The following PPP2CB variants were observed in gnomAD, a reference collection of about 807,000 sequenced individuals.
PPP2CB encodes the protein serine/threonine-protein phosphatase 2A catalytic subunit beta isoform.
PPP2CB carries 18 observed loss-of-function variants against 39.1 expected under a neutral mutation model. The observed-to-expected ratio is 0.46, with a 90% CI of 0.32 to 0.68. The LOEUF is 0.68. Ranked by LOEUF, PPP2CB falls within the 30% of genes least tolerant of loss-of-function variation. PPP2CB has a pLI of 0.04. For synonymous variants in PPP2CB, 129 were observed against 133.8 expected, an observed-to-expected ratio of 0.96 and a Z score of 0.25; for missense variants, 226 against 396.9, an observed-to-expected ratio of 0.57 and a Z score of 3.66.
rs573511696 is a variant in PPP2CB, at chr8:30,799,405, T to C, written c.312+141A>G. On this transcript the variant is annotated intron_variant, in intron 2 of 6. Coordinates refer to ENST00000221138, the MANE Select transcript of PPP2CB (RefSeq NM_001009552.2). The stretch of plus-strand genomic sequence containing the variant: ...CAGAAGTTATCCTTTTCACCTCTCC[T>C]TTAAAAAGATGTAAAACCAATTATT... 9.0e-6 allele frequency: 6 copies of C among 664,904 alleles called. No homozygotes were observed. In the African/African-American group the frequency reaches 9.1e-5, roughly 10 times the overall value. 41.2% of individuals were successfully genotyped at this position (664,904 alleles called of 1,614,324 possible).
At chr8:30,801,224 C>G (rs950905163) in intron 1 of PPP2CB, among the ~76,000 whole-genome samples, 1 of 150,286 alleles carries the variant, frequency 6.7e-6, no homozygotes, top group Non-Finnish European at 1.5e-5. Flanking sequence ...AAAAAGGCAA[C>G]AACACAGCAC....
chr8:30,795,474 ATAT>A (rs1255307445), intron 3 of PPP2CB, among the ~76,000 whole-genome samples: 2 of 152,046 alleles, frequency 1.3e-5, no homozygotes, highest in Non-Finnish European at 2.9e-5. Context: ...TATCCACTTA[ATAT>A]TATTATTTTA....
intron 1 of PPP2CB, among the ~76,000 whole-genome samples, chr8:30,808,238 A>G (rs1368437892): frequency 2.0e-5 from 3 of 152,100 alleles, no homozygotes; most frequent in Non-Finnish European, 4.4e-5. Context: ...AGCTGGGACT[A>G]CAGGCACACA....
chr8:30,800,271 G>C (rs1309624676), intron 1 of PPP2CB, among the ~76,000 whole-genome samples: 1 of 152,212 alleles, frequency 6.6e-6, no homozygotes, highest in Admixed American at 6.5e-5. Context: ...TATGGTAAGT[G>C]CAAGAAGTCA....
intron 3 of PPP2CB, among the ~76,000 whole-genome samples, chr8:30,795,119 A>ATTTT (rs893547625): frequency 3.1e-5 from 4 of 127,472 alleles, no homozygotes; most frequent in Non-Finnish European, 5.0e-5. Context: ...TCTGATTTTG[A>ATTTT]TTTTTTTTTT....
chr8:30,786,126 A>C lies in PPP2CB; in HGVS notation c.*109T>G, dbSNP rs533976884. On this transcript the variant is annotated 3_prime_UTR_variant, in exon 7 of 7. Coordinates refer to ENST00000221138, the MANE Select transcript of PPP2CB (RefSeq NM_001009552.2). ...GTGGTTTAATGCCAAGACAGATCCC[A>C]ATTTGTTACAGAAACACATAGATTA... 3.2e-5 allele frequency: 32 copies of C among 990,376 alleles called. No individual in the cohort carries two copies. In the African/African-American group the frequency reaches 5.3e-4, roughly 16 times the overall value. The allele number at this position is 990,376 out of a possible 1,614,324, so 61.3% of individuals were successfully genotyped here.
intron 3 of PPP2CB, among the ~76,000 whole-genome samples, chr8:30,797,370 A>G (rs1368270433): frequency 2.0e-5 from 3 of 152,194 alleles, no homozygotes; most frequent in East Asian, 3.8e-4. Context: ...ATTTACATAC[A>G]TATCTGAGAA....
intron 1 of PPP2CB, among the ~76,000 whole-genome samples, chr8:30,810,711 A>G (rs1039937368): frequency 4.6e-5 from 7 of 152,246 alleles, no homozygotes; most frequent in African/African-American, 1.2e-4. Flanking sequence ...TTTCAGAAAG[A>G]GAAAAATACC....
Position 30,812,341 on chromosome 8 carries a change from T to G in PPP2CB, c.81A>C (p.Gln27His). 6.5e-7 allele frequency: 1 copy of G among 1,547,394 alleles called. No individual in the cohort carries two copies. The highest frequency in any genetic ancestry group is 8.7e-7 in the Non-Finnish European group (1 of 1,143,408). Residue 27 changes from glutamine to histidine, a missense_variant, in exon 1 of 7, where the codon CAA becomes CAC. Physicochemically the swap from Gln to His is conservative, Grantham distance 24 (BLOSUM62 0). Transcript: ENST00000221138. ...LNECKQLNEN[Q>H]VRTLCEKAKE... ...TCACCTTCTCGCACAGCGTCCGCAC[T>G]TGGTTCTCGTTCAGCTGCTTACACT...
At chr8:30,806,515 C>CA (rs1194987650) in intron 1 of PPP2CB, among the ~76,000 whole-genome samples, 17 of 152,158 alleles carry the variant, frequency 1.1e-4, no homozygotes, top group Middle Eastern at 3.4e-3. Flanking sequence ...GAAATCAGTT[C>CA]AAAACAATAA....
At chr8:30,804,877 C>T (rs949974603) in intron 1 of PPP2CB, among the ~76,000 whole-genome samples, 1 of 151,890 alleles carries the variant, frequency 6.6e-6, no homozygotes, top group Non-Finnish European at 1.5e-5. Context: ...GGAAGGTTTT[C>T]TATGACCACC....
At chr8:30,803,848 G>A (rs1452943649) in intron 1 of PPP2CB, among the ~76,000 whole-genome samples, 1 of 148,906 alleles carries the variant, frequency 6.7e-6, no homozygotes, top group African/African-American at 2.5e-5. Flanking sequence ...ACGGAGTCCT[G>A]CTCTGTCGTC....
chr8:30,806,722 T>A (rs1806731851), intron 1 of PPP2CB, among the ~76,000 whole-genome samples: 1 of 152,166 alleles, frequency 6.6e-6, no homozygotes, highest in African/African-American at 2.4e-5. Context: ...TTTATAACAT[T>A]CGTACTGAAG....
At chr8:30,790,323 C>T (rs1806410243) in intron 6 of PPP2CB, among the ~76,000 whole-genome samples, 1 of 152,204 alleles carries the variant, frequency 6.6e-6, no homozygotes, top group African/African-American at 2.4e-5. Flanking sequence ...AAGGGCTCTT[C>T]TTGGCTTTTT....
At chr8:30,803,543 TAA>T (rs111420782) in intron 1 of PPP2CB, among the ~76,000 whole-genome samples, 12 of 142,468 alleles carry the variant, frequency 8.4e-5, no homozygotes, top group Non-Finnish European at 1.1e-4. Flanking sequence ...ATCCTGCCTT[TAA>T]AAAAAAAAAA....
rs1464028348 is a variant in PPP2CB at position 30,786,005 on chromosome 8, G to A, written c.*230C>T. On this transcript the variant is annotated 3_prime_UTR_variant, in exon 7 of 7. Coordinates refer to ENST00000221138, the MANE Select transcript of PPP2CB (RefSeq NM_001009552.2). Reference sequence around the variant, plus strand: ...AAAATGGTTACTATAAATACAGCAGGCAAACTGTTAGACTGACCTAGAACA... The same window carrying A: ...AAAATGGTTACTATAAATACAGCAGACAAACTGTTAGACTGACCTAGAACA... The A allele has an allele frequency of 3.1e-6, 2 of 647,144 alleles. No homozygotes were observed. Among genetic ancestry groups the A allele is most frequent in the African/African-American group, 3.7e-5 (2 of 54,222 alleles). The allele number at this position is 647,144 out of a possible 1,614,324, so 40.1% of individuals were successfully genotyped here. A position where few individuals can be genotyped will look rare whatever the true frequency, so the allele number is the denominator to read the frequency against.
At chr8:30,791,709 G>T in intron 5 of PPP2CB, 1 of 161,738 alleles carries the variant, frequency 6.2e-6, no homozygotes, top group Non-Finnish European at 1.3e-5. Context: ...TAGAGAACTG[G>T]GCCAGTTTTC....
intron 6 of PPP2CB, among the ~76,000 whole-genome samples, chr8:30,786,916 C>T (rs181940220): frequency 2.5e-3 from 373 of 152,118 alleles, no homozygotes; most frequent in African/African-American, 8.5e-3. Context: ...CCACCCGCTT[C>T]GGCCTCCCAA....
At chr8:30,795,049 T>A (rs1395622631) in intron 3 of PPP2CB, among the ~76,000 whole-genome samples, 2 of 152,178 alleles carry the variant, frequency 1.3e-5, no homozygotes, top group Non-Finnish European at 2.9e-5. Flanking sequence ...TAGTTTCAAG[T>A]CCATGCTCTA....
Sources: allele counts gnomAD v4.1 joint callset (sites outside exome capture counted in the v4.1 genomes callset), GRCh38; gene constraint gnomAD v4.1.1; transcripts MANE v1.5; gene names NCBI Gene and HGNC (gene_info 2026-07-23, HGNC 2026-07-21).